Variants in PHTF2 observed in about 807,000 individuals in gnomAD.
The protein encoded by PHTF2 is protein PHTF2.
In PHTF2, 60 loss-of-function variants were observed where a neutral mutation model predicts 101.2. The observed-to-expected ratio is 0.59, with a 90% CI of 0.48 to 0.73. The LOEUF (loss-of-function observed/expected upper bound fraction) is 0.73, where lower values mean the gene tolerates loss of function less well. PHTF2 is among the 30% of genes least tolerant of loss of function. The probability of loss-of-function intolerance (pLI) is 0.00; values close to 1 mark genes in which losing one functional copy is unlikely to be tolerated. For synonymous variants in PHTF2, 311 were observed against 307.3 expected (o/e 1.01, Z -0.13); for missense variants, 747 against 908.7 (o/e 0.82, Z 2.29).
chr7:77,898,839 G>T (rs375972191), intron 5 of PHTF2, among the ~76,000 whole-genome samples: 1 of 151,058 alleles, frequency 6.6e-6, no homozygotes, highest in African/African-American at 2.4e-5. Flanking sequence ...TTACTTTGTC[G>T]CCAGGCTGGA....
intron 5 of PHTF2, among the ~76,000 whole-genome samples, chr7:77,898,642 A>G (rs1801094300): frequency 6.6e-6 from 1 of 152,200 alleles, no homozygotes. Context: ...ATTAGTGCAT[A>G]CTGAACCATT....
chr7:77,864,501 C>T (rs185385116), intron 3 of PHTF2, among the ~76,000 whole-genome samples: 36 of 152,336 alleles, frequency 2.4e-4, no homozygotes, highest in African/African-American at 7.9e-4. Flanking sequence ...CATTGCCTAC[C>T]CCTTTCAGCC....
intron 3 of PHTF2, among the ~76,000 whole-genome samples, chr7:77,883,703 C>T (rs561317063): frequency 3.3e-5 from 5 of 152,210 alleles, no homozygotes; most frequent in South Asian, 4.1e-4. Flanking sequence ...TCTGCACACC[C>T]GTTTTGGCTT....
chr7:77,929,204 G>C (rs1804337489), exon 12 of PHTF2: 1 of 1,613,384 alleles, frequency 6.2e-7, no homozygotes, highest in Non-Finnish European at 8.5e-7. Flanking sequence ...CAGAAGATGT[G>C]TTATGGGAAG....
At chr7:77,806,371 T>C (rs1173197859) in intron 1 of PHTF2, among the ~76,000 whole-genome samples, 1 of 152,216 alleles carries the variant, frequency 6.6e-6, no homozygotes, top group East Asian at 1.9e-4. Context: ...ATATTTATGA[T>C]TGTTATAATT....
chr7:77,874,816 G>A (rs1798801069), intron 3 of PHTF2, among the ~76,000 whole-genome samples: 1 of 152,210 alleles, frequency 6.6e-6, no homozygotes. Context: ...AAATATAGGG[G>A]TCTAGTTTCA....
intron 3 of PHTF2, among the ~76,000 whole-genome samples, chr7:77,871,571 A>G (rs1165144800): frequency 1.3e-5 from 2 of 152,210 alleles, no homozygotes; most frequent in Non-Finnish European, 2.9e-5. Flanking sequence ...TGCTACTTCC[A>G]ATTCTACCCC....
chr7:77,821,848 C>G (rs967176695), intron 1 of PHTF2, among the ~76,000 whole-genome samples: 1 of 152,176 alleles, frequency 6.6e-6, no homozygotes, highest in Admixed American at 6.5e-5. Context: ...GGATGTTACT[C>G]AGGTCCAGTC....
At chr7:77,872,046 C>T (rs1417465952) in intron 3 of PHTF2, among the ~76,000 whole-genome samples, 4 of 152,166 alleles carry the variant, frequency 2.6e-5, no homozygotes, top group South Asian at 4.1e-4. Flanking sequence ...CTGATCACCC[C>T]GAGGAATGGT....
intron 12 of PHTF2, among the ~76,000 whole-genome samples, chr7:77,932,621 A>AGTGTGTGTGTGTGTGT (rs56005414): frequency 2.0e-4 from 24 of 118,558 alleles, no homozygotes; most frequent in Middle Eastern, 4.4e-3. Flanking sequence ...AGAGAGAGAG[A>AGTGTGTGTGTGTGTGT]GTGTGTGTGT....
chr7:77,956,447 A>T, exon 20 of PHTF2: 1 of 152,542 alleles, frequency 6.6e-6, no homozygotes, highest in Non-Finnish European at 1.5e-5. Context: ...TCTTTCTATG[A>T]AAAACAACAG....
rs377701971 is a variant in PHTF2 at position 77,951,901 on chromosome 7, A to G, written c.2211+189A>G. ...TGCAAAAGTGCTTGAACTAATCCAA[A>G]TAATTTCTTTGGAAATTGTATATTA... On this transcript the variant is annotated intron_variant, in intron 18 of 19. Transcript: ENST00000416283. Among the ~76,000 whole-genome samples the G allele has an allele frequency of 3.3e-5, 5 of 152,268 alleles. No individual in the cohort carries two copies. The East Asian group carries it at 9.6e-4, about 29-fold the overall frequency.
exon 12 of PHTF2, chr7:77,929,306 T>C: frequency 6.3e-7 from 1 of 1,598,040 alleles, no homozygotes; most frequent in Non-Finnish European, 8.6e-7. Flanking sequence ...AAAAAGAATA[T>C]AGAGATGACC....
chr7:77,860,501 C>G (rs1292221734), intron 3 of PHTF2, among the ~76,000 whole-genome samples: 1 of 152,034 alleles, frequency 6.6e-6, no homozygotes, highest in Non-Finnish European at 1.5e-5. Context: ...CTTTCCTAAG[C>G]CTTGGTTTCT....
exon 20 of PHTF2, chr7:77,954,925 C>T (rs369511426): frequency 4.8e-6 from 5 of 1,046,678 alleles, no homozygotes; most frequent in South Asian, 1.5e-5. Flanking sequence ...AATAAGAGTA[C>T]TGACTAAGCT....
chr7:77,857,047 G>A (rs984366018), intron 3 of PHTF2, among the ~76,000 whole-genome samples: 2 of 152,072 alleles, frequency 1.3e-5, no homozygotes, highest in Non-Finnish European at 2.9e-5. Flanking sequence ...CTCTTCCTTT[G>A]ATCTGGCCAA....
At chr7:77,954,460 C>T (rs1239340932) in intron 19 of PHTF2, among the ~76,000 whole-genome samples, 5 of 151,636 alleles carry the variant, frequency 3.3e-5, no homozygotes, top group Non-Finnish European at 4.4e-5. Flanking sequence ...ACTAATAAAG[C>T]TTTAATTTAG....
intron 3 of PHTF2, among the ~76,000 whole-genome samples, chr7:77,855,694 C>T (rs931143184): frequency 6.6e-6 from 1 of 152,188 alleles, no homozygotes; most frequent in Non-Finnish European, 1.5e-5. Flanking sequence ...TAGGACTGGT[C>T]TAAATGCTCC....
At chr7:77,811,229 C>T (rs1292142381) in intron 1 of PHTF2, among the ~76,000 whole-genome samples, 2 of 152,202 alleles carry the variant, frequency 1.3e-5, no homozygotes, top group Non-Finnish European at 2.9e-5. Context: ...GGCAGGAATA[C>T]CACAGACATG....
Sources: allele counts gnomAD v4.1 joint callset (sites outside exome capture counted in the v4.1 genomes callset), GRCh38; gene constraint gnomAD v4.1.1; transcripts MANE v1.5; gene names NCBI Gene and HGNC (gene_info 2026-07-23, HGNC 2026-07-21).